Variants in PPP2R2B observed in about 807,000 individuals in gnomAD.
PPP2R2B encodes the protein serine/threonine-protein phosphatase 2A 55 kDa regulatory subunit B beta isoform.
Under a neutral mutation model 46.0 loss-of-function variants are expected in PPP2R2B, and 5 were observed. The ratio of observed to expected loss-of-function variants is 0.11; its 90% CI spans 0.06 to 0.23. PPP2R2B has a LOEUF of 0.23. Among genes scored for constraint, PPP2R2B ranks in the 10% least tolerant of loss-of-function variants. The pLI, the probability that PPP2R2B is intolerant of heterozygous loss-of-function variation, is 1.00. For missense variants in PPP2R2B, 367 were observed against 575.0 expected, an observed-to-expected ratio of 0.64 and a Z score of 3.70; for synonymous variants, 215 against 206.7, an observed-to-expected ratio of 1.04 and a Z score of -0.34.
intron 5 of PPP2R2B, among the ~76,000 whole-genome samples, chr5:146,677,356 C>G (rs1777798189): frequency 6.6e-6 from 1 of 152,050 alleles, no homozygotes; most frequent in Non-Finnish European, 1.5e-5. Flanking sequence ...AGAACTCAGG[C>G]AGTTTCTAAA....
intron 1 of PPP2R2B, among the ~76,000 whole-genome samples, chr5:147,008,588 C>A (rs1167241917): frequency 1.3e-5 from 2 of 152,060 alleles, no homozygotes; most frequent in Non-Finnish European, 2.9e-5. Flanking sequence ...AATGGGCTTC[C>A]ATGCTTCTTC....
chr5:146,702,993 G>A (rs1779633359), intron 2 of PPP2R2B, among the ~76,000 whole-genome samples: 1 of 152,208 alleles, frequency 6.6e-6, no homozygotes, highest in Admixed American at 6.5e-5. Context: ...GACACCTCAA[G>A]TGAGTTATTT....
Position 146,669,350 on chromosome 5 carries a change from G to A in PPP2R2B, c.448-18626C>T, listed in dbSNP as rs1172850204. On this transcript the variant is annotated intron_variant, in intron 5 of 9. Coordinates refer to ENST00000394411, the MANE Select transcript of PPP2R2B (RefSeq NM_181675.4). ...GGGGAGTTAATCTGCTCTTTCTTCA[G>A]ACCAATGGTCTGGGTGGATCTCATC... Among the ~76,000 whole-genome samples, 6 of 152,096 alleles carry A rather than the reference G, an allele frequency of 3.9e-5. No homozygotes were observed. The East Asian group carries it at 9.6e-4, about 24-fold the overall frequency.
chr5:147,008,688 C>G lies in PPP2R2B; in HGVS notation c.79+46977G>C, dbSNP rs529374308. On this transcript the variant is annotated intron_variant, in intron 1 of 8. Coordinates refer to the PPP2R2B transcript ENST00000336640. ...TCAACCCCACCCCCCACTCCTATGTCCCTGTGGTTGTTACAGAGGAGTCAG... is the reference window on the plus strand; with the variant it reads ...TCAACCCCACCCCCCACTCCTATGTGCCTGTGGTTGTTACAGAGGAGTCAG... Among the ~76,000 whole-genome samples the G allele has an allele frequency of 3.9e-5, 6 of 152,246 alleles. No individual in the cohort carries two copies. The East Asian group carries it at 1.2e-3, about 29-fold the overall frequency.
intron 2 of PPP2R2B, among the ~76,000 whole-genome samples, chr5:146,718,194 G>T (rs7731270): frequency 0.25 from 38,203 of 151,762 alleles, 5,489 homozygotes; most frequent in African/African-American, 0.39. Flanking sequence ...CATTGTTCAA[G>T]GAAAGTATGG....
intron 1 of PPP2R2B, among the ~76,000 whole-genome samples, chr5:146,891,417 A>T (rs745713110): frequency 1.3e-5 from 2 of 152,232 alleles, no homozygotes; most frequent in African/African-American, 2.4e-5. Flanking sequence ...GAACACTGTC[A>T]TTGTCTACAT....
chr5:147,040,213 C>T (rs1014346538), intron 1 of PPP2R2B, among the ~76,000 whole-genome samples: 61 of 151,990 alleles, frequency 4.0e-4, no homozygotes, highest in African/African-American at 1.4e-3. Flanking sequence ...TATGCTATGA[C>T]CTGATAATGT....
chr5:146,999,607 C>A (rs1754073685), intron 1 of PPP2R2B, among the ~76,000 whole-genome samples: 1 of 152,124 alleles, frequency 6.6e-6, no homozygotes, highest in South Asian at 2.1e-4. Context: ...GTGGCTTCTT[C>A]TCTATTTGAT....
chr5:146,816,784 G>A (rs922106037), intron 2 of PPP2R2B, among the ~76,000 whole-genome samples: 1 of 152,170 alleles, frequency 6.6e-6, no homozygotes, highest in East Asian at 1.9e-4. Context: ...CCCATATGGA[G>A]GAGCTGATTC....
intron 1 of PPP2R2B, among the ~76,000 whole-genome samples, chr5:147,034,252 C>A (rs1418132972): frequency 6.6e-6 from 1 of 152,172 alleles, no homozygotes; most frequent in Non-Finnish European, 1.5e-5. Flanking sequence ...CTTTAGCTTC[C>A]TGGACCACCA....
At chr5:147,019,057 A>C (rs576655948) in intron 1 of PPP2R2B, among the ~76,000 whole-genome samples, 1 of 152,336 alleles carries the variant, frequency 6.6e-6, no homozygotes, top group East Asian at 1.9e-4. Context: ...CAGAGAGGTC[A>C]GTATTTATGA....
intron 1 of PPP2R2B, among the ~76,000 whole-genome samples, chr5:146,946,140 C>T (rs1224551790): frequency 6.6e-6 from 1 of 152,156 alleles, no homozygotes; most frequent in Non-Finnish European, 1.5e-5. Flanking sequence ...GCTGTAGCCG[C>T]TTAAGCAACA....
chr5:146,726,286 G>C (rs1048547238), intron 2 of PPP2R2B, among the ~76,000 whole-genome samples: 1 of 152,078 alleles, frequency 6.6e-6, no homozygotes, highest in African/African-American at 2.4e-5. Flanking sequence ...AGCCAACTAG[G>C]GAGTATTCAG....
At chr5:147,049,008 T>C (rs191656453) in intron 1 of PPP2R2B, among the ~76,000 whole-genome samples, 84 of 151,722 alleles carry the variant, frequency 5.5e-4, no homozygotes, top group African/African-American at 2.0e-3. Context: ...AAATAAGGGC[T>C]GTGAAGGAAA....
intron 2 of PPP2R2B, among the ~76,000 whole-genome samples, chr5:146,731,529 G>A (rs377389501): frequency 2.0e-4 from 30 of 152,250 alleles, no homozygotes; most frequent in Middle Eastern, 3.4e-3. Context: ...GTGGCTTCCC[G>A]TAGAGTTTAA....
upstream of PPP2R2B, among the ~76,000 whole-genome samples, chr5:146,883,529 C>T (rs1312483589): frequency 6.6e-6 from 1 of 152,190 alleles, no homozygotes; most frequent in Non-Finnish European, 1.5e-5. Context: ...CATGAAGTCT[C>T]CTGCAAATGA....
In PPP2R2B at chr5:146,741,222, T is replaced by C. The variant is rs369799711; in HGVS notation, c.71-40080A>G. On this transcript the variant is annotated intron_variant, in intron 2 of 9. Coordinates refer to ENST00000394411, the MANE Select transcript of PPP2R2B (RefSeq NM_181675.4). The stretch of plus-strand genomic sequence containing the variant: ...ACATGCAGTAAGGAAGGTTCTTGTC[T>C]AGCAGGCAACCCCCCTTTCTCCATG... 2.0e-5 allele frequency among the ~76,000 whole-genome samples: 3 copies of C among 152,170 alleles called. 1 individual carries two copies. The highest frequency in any genetic ancestry group is 1.9e-4 in the East Asian group (1 of 5,202).
chr5:146,895,850 A>G (rs1762627994), intron 1 of PPP2R2B, among the ~76,000 whole-genome samples: 1 of 152,208 alleles, frequency 6.6e-6, no homozygotes, highest in Admixed American at 6.5e-5. Context: ...ACAGGAAAGG[A>G]CAATAGCTCT....
intron 4 of PPP2R2B, among the ~76,000 whole-genome samples, chr5:146,695,287 A>AT (rs1038866828): frequency 4.6e-5 from 7 of 151,308 alleles, no homozygotes; most frequent in Non-Finnish European, 7.4e-5. Context: ...GTTTTTCTAT[A>AT]TTTTTTTTTC....
Sources: gnomAD v4.1 joint callset for allele counts (sites outside exome capture counted in the v4.1 genomes callset) on GRCh38, gnomAD v4.1.1 for gene constraint, MANE v1.5 for transcripts, NCBI Gene and HGNC (gene_info 2026-07-23, HGNC 2026-07-21) for gene names.